Variants in FRMPD3 observed in about 807,000 individuals in gnomAD.
FRMPD3 encodes the protein FERM and PDZ domain containing 3, also known as FERM and PDZ domain-containing protein 3.
A neutral mutation model predicts 97.9 loss-of-function variants in FRMPD3; 42 were observed. The observed-to-expected ratio is 0.43, with a 90% confidence interval of 0.34 to 0.55. The LOEUF is 0.55. FRMPD3 is among the 20% of genes least tolerant of loss of function. The pLI is 0.03. For synonymous variants in FRMPD3, 577 were observed against 581.1 expected, an observed-to-expected ratio of 0.99 and a Z score of 0.10; for missense variants, 1,303 against 1,457.7, an observed-to-expected ratio of 0.89 and a Z score of 1.73.
intron 1 of FRMPD3, among the ~76,000 whole-genome samples, chrX:107,489,126 G>A (rs1467261321): frequency 9.2e-6 from 1 of 108,219 alleles, no homozygotes; most frequent in African/African-American, 3.4e-5. Flanking sequence ...GACAATGATG[G>A]TTTCCAGTTT....
rs111382527 is a variant in FRMPD3, at chrX:107,597,945, A to C, written c.2066A>C (p.Gln689Pro). The change falls in exon 14 of 15, where the codon CAG becomes CCG. Residue 689 changes from glutamine (Q) to proline (P), a missense_variant. By Grantham distance (76) the Gln-to-Pro change is moderately conservative. Around this residue, in one of 3 missense-constraint regions of FRMPD3, gnomAD observed 535 missense variants for 618.6 expected, o/e 0.86. Coordinates refer to ENST00000683843, the MANE Select transcript of FRMPD3 (RefSeq NM_001388459.1). ...DEDDPKRRAV[Q>P]SQEQGRHLRG... is the part of the protein sequence containing the mutation. Reference sequence around the variant, plus strand: ...GATGACCCCAAGCGCCGGGCTGTCCAGAGCCAGGAACAAGGACGCCACCTG... The same window carrying C: ...GATGACCCCAAGCGCCGGGCTGTCCCGAGCCAGGAACAAGGACGCCACCTG... 1,237 of 1,208,853 alleles carry C rather than the reference A, an allele frequency of 1.0e-3. 15 individuals carry two copies. In the African/African-American group the frequency reaches 0.019, roughly 19 times the overall value.
At chrX:107,465,579 T>A (rs1319804267) in intron 1 of FRMPD3, among the ~76,000 whole-genome samples, 1 of 111,768 alleles carries the variant, frequency 8.9e-6, no homozygotes, top group East Asian at 2.8e-4. Flanking sequence ...TTAAAGACAT[T>A]TGGGACTGTA....
chrX:107,461,779 A>T (rs1401041517), intron 1 of FRMPD3, among the ~76,000 whole-genome samples: 4 of 105,959 alleles, frequency 3.8e-5, no homozygotes, highest in African/African-American at 1.0e-4. Context: ...ATATACATAT[A>T]CATATACATA....
intron 1 of FRMPD3, among the ~76,000 whole-genome samples, chrX:107,469,427 T>A (rs1921006234): frequency 8.9e-6 from 1 of 112,111 alleles, no homozygotes; most frequent in Non-Finnish European, 1.9e-5. Context: ...GCCCCCATGA[T>A]TCATTCATCT....
chrX:107,531,111 T>TACACACAC (rs35430860), intron 3 of FRMPD3, among the ~76,000 whole-genome samples: 120 of 93,615 alleles, frequency 1.3e-3, no homozygotes, highest in Middle Eastern at 5.5e-3. Context: ...CTGTGCACAT[T>TACACACAC]ACACACACAC....
intron 12 of FRMPD3, among the ~76,000 whole-genome samples, chrX:107,568,377 TCC>T (rs1186376489): frequency 2.4e-5 from 1 of 42,299 alleles, no homozygotes; most frequent in Non-Finnish European, 4.0e-5. Context: ...CCCTCCCCCC[TCC>T]CCCCACCCCA....
intron 12 of FRMPD3, among the ~76,000 whole-genome samples, chrX:107,566,723 A>G (rs1475892173): frequency 8.8e-6 from 1 of 113,247 alleles, no homozygotes; most frequent in African/African-American, 3.2e-5. Flanking sequence ...GGTGAAACCC[A>G]GGCATCAGGA....
At chrX:107,570,056 G>GAGAAA (rs755887308) in intron 12 of FRMPD3, among the ~76,000 whole-genome samples, 23 of 96,379 alleles carry the variant, frequency 2.4e-4, no homozygotes, top group African/African-American at 5.8e-4. Context: ...AAGAAAGAAA[G>GAGAAA]AGAAAAGAAA....
At chrX:107,462,959 A>G (rs1408827559) in intron 1 of FRMPD3, among the ~76,000 whole-genome samples, 1 of 111,569 alleles carries the variant, frequency 9.0e-6, no homozygotes, top group Non-Finnish European at 1.9e-5. Flanking sequence ...CCACCCCCAC[A>G]ACCTCAGCTC....
intron 13 of FRMPD3, among the ~76,000 whole-genome samples, chrX:107,585,012 T>C (rs1923580974): frequency 8.9e-6 from 1 of 112,212 alleles, no homozygotes; most frequent in African/African-American, 3.2e-5. Context: ...GGAATAGCAT[T>C]GAATCTATAA....
At chrX:107,598,957 C>T (rs980266566) in intron 14 of FRMPD3, among the ~76,000 whole-genome samples, 3 of 111,861 alleles carry the variant, frequency 2.7e-5, no homozygotes, top group Non-Finnish European at 5.6e-5. Context: ...ACATATGTCC[C>T]TCCATATACA....
At chrX:107,590,322 A>G in intron 13 of FRMPD3, among the ~76,000 whole-genome samples, 1 of 110,038 alleles carries the variant, frequency 9.1e-6, no homozygotes, top group East Asian at 2.8e-4. Flanking sequence ...AAGTGGTGAG[A>G]ACATCTGGAC....
chrX:107,527,989 C>T (rs193291190), intron 2 of FRMPD3, among the ~76,000 whole-genome samples: 1 of 111,252 alleles, frequency 9.0e-6, no homozygotes, highest in Non-Finnish European at 1.9e-5. Context: ...TAATAGACCA[C>T]CAGGAGCCCC....
rs1449526077 is a variant in FRMPD3 at position 107,555,797 on chromosome X, C to T, written c.762+1293C>T. Among the ~76,000 whole-genome samples the T allele has an allele frequency of 3.6e-5, 4 of 111,581 alleles. No individual in the cohort carries two copies. The South Asian group carries it at 1.1e-3, about 31-fold the overall frequency. On this transcript the variant is annotated intron_variant, in intron 8 of 14. Coordinates refer to ENST00000683843, the MANE Select transcript of FRMPD3 (RefSeq NM_001388459.1). ...GAAATTATTAAAAGAGAAGAATAGC[C>T]TGGTCAGATGAGCAAATTCAAAAGA...
intron 1 of FRMPD3, among the ~76,000 whole-genome samples, chrX:107,524,989 C>A (rs1160414850): frequency 1.3e-5 from 1 of 76,373 alleles, no homozygotes; most frequent in African/African-American, 7.0e-5. Flanking sequence ...GAGGGAGACT[C>A]CATCTCAAAA....
At chrX:107,568,986 G>C (rs750800189) in intron 12 of FRMPD3, among the ~76,000 whole-genome samples, 4 of 109,387 alleles carry the variant, frequency 3.7e-5, no homozygotes, top group African/African-American at 1.3e-4. Context: ...AGCTTACCTA[G>C]CTTGTAGGAT....
chrX:107,520,981 G>T (rs1416578957), intron 1 of FRMPD3, among the ~76,000 whole-genome samples: 1 of 111,740 alleles, frequency 8.9e-6, no homozygotes. Flanking sequence ...CCTTTTTTCA[G>T]CATTTTCCTC....
chrX:107,603,295 A>G lies in FRMPD3; in HGVS notation c.5256A>G (p.Thr1752=). The G allele has an allele frequency of 8.9e-7, 1 of 1,122,372 alleles. No homozygotes were observed. The highest frequency in any genetic ancestry group is 2.0e-5 in the South Asian group (1 of 49,782). The allele number at this position is 1,122,372 out of a possible 1,213,427, so 92.5% of individuals were successfully genotyped here. ...TGGCAGCAGCTGCAGGGGCAGCCAC[A>G]GAGCATCCACCAGGCTCCCCAACTT... The part of the protein sequence containing the change: ...QQVAAAAGAA[T]EHPPGSPTSA... Residue 1752 remains threonine (T), a synonymous_variant, in exon 15 of 15, where the codon ACA becomes ACG. Transcript: ENST00000683843.
intron 13 of FRMPD3, among the ~76,000 whole-genome samples, chrX:107,578,642 G>A (rs940587589): frequency 2.7e-5 from 3 of 111,906 alleles, no homozygotes; most frequent in Non-Finnish European, 5.6e-5. Context: ...TCTTGGGGTA[G>A]AAATAATCAG....
Sources: allele counts gnomAD v4.1 joint callset (sites outside exome capture counted in the v4.1 genomes callset), GRCh38; gene constraint gnomAD v4.1.1; regional missense constraint gnomAD v4.1.1; transcripts MANE v1.5; gene names NCBI Gene and HGNC (gene_info 2026-07-23, HGNC 2026-07-21).